The following ANKAR variants were observed in gnomAD, a reference collection of about 807,000 sequenced individuals.
The protein encoded by ANKAR is ankyrin and armadillo repeat containing, also known as ankyrin and armadillo repeat-containing protein.
ANKAR carries 136 observed loss-of-function variants against 146.2 expected under a neutral mutation model. The observed-to-expected ratio is 0.93, with a 90% CI of 0.81 to 1.07. ANKAR has a LOEUF of 1.07. Among genes scored for constraint, ANKAR ranks in the 50% least tolerant of loss-of-function variants. The pLI is 0.00. For missense variants in ANKAR, 1,567 were observed against 1,679.9 expected, an observed-to-expected ratio of 0.93 and a Z score of 1.18; for synonymous variants, 500 against 575.8, an observed-to-expected ratio of 0.87 and a Z score of 1.88.
intron 18 of ANKAR, among the ~76,000 whole-genome samples, chr2:189,757,224 G>C (rs1391660451): frequency 6.6e-6 from 1 of 152,204 alleles, no homozygotes; most frequent in African/African-American, 2.4e-5. Context: ...TGAGAAGGGA[G>C]AGGAAAGTTG....
intron 18 of ANKAR, among the ~76,000 whole-genome samples, chr2:189,758,417 C>A (rs375645532): frequency 6.6e-5 from 10 of 151,992 alleles, no homozygotes; most frequent in African/African-American, 1.2e-4. Context: ...CCTCACCCCC[C>A]CTCTCTCGGT....
chr2:189,745,060 G>A (rs113979087), intron 22 of ANKAR, among the ~76,000 whole-genome samples: 5,296 of 59,522 alleles, frequency 0.089, 330 homozygotes, highest in African/African-American at 0.25. Flanking sequence ...GCATGGTGGC[G>A]CGTGCCTGTA....
At chr2:189,760,263 A>G (rs991040822) in intron 18 of ANKAR, among the ~76,000 whole-genome samples, 4 of 152,158 alleles carry the variant, frequency 2.6e-5, no homozygotes, top group Admixed American at 2.0e-4. Context: ...TTCTCAATGA[A>G]CTGTTGGGTA....
At position 189,690,627 on chromosome 2, in the gene ANKAR, A is replaced by T. The variant is rs529267783; in HGVS notation, c.1039+663A>T. Among the ~76,000 whole-genome samples the T allele has an allele frequency of 8.8e-4, 134 of 152,330 alleles. 1 individual carries two copies. The highest frequency in any genetic ancestry group is 3.1e-3 in the African/African-American group (127 of 41,582). On this transcript the variant is annotated intron_variant, in intron 3 of 22. Coordinates refer to ENST00000684021, the MANE Select transcript of ANKAR (RefSeq NM_001378068.1). ...GCTTATTATAATGGGCTTTCTATTCAGATGGCAAATTTTCAGCAGAAATTT... is the reference window on the plus strand; with the variant it reads ...GCTTATTATAATGGGCTTTCTATTCTGATGGCAAATTTTCAGCAGAAATTT...
chr2:189,712,671 A>G (rs1202151976), intron 10 of ANKAR, among the ~76,000 whole-genome samples: 2 of 152,368 alleles, frequency 1.3e-5, no homozygotes, highest in South Asian at 2.1e-4. Flanking sequence ...GGGAGAAACC[A>G]GAGCAGAAAA....
rs540455693 is a variant in ANKAR at position 189,737,841 on chromosome 2, G to A, written c.3582G>A (p.Gln1194=). Residue 1194 remains glutamine, a splice_region_variant and synonymous_variant, in exon 18 of 23, where the codon CAG becomes CAA. Coordinates refer to ENST00000684021, the MANE Select transcript of ANKAR (RefSeq NM_001378068.1). ...CTGAGAAGGCAATGGCAGCATTTCA[G>A]GTATAAAATTGAGATTAACACCTCA... The part of the protein sequence containing the change: ...VETEKAMAAF[Q]IVVLAKVIRD... 7.8e-6 allele frequency: 12 copies of A among 1,539,290 alleles called. No homozygotes were observed. The highest frequency in any genetic ancestry group is 6.3e-5 in the South Asian group (5 of 79,710).
chr2:189,728,443 T>A (rs201507264), intron 14 of ANKAR, 23 bp downstream of exon 14: 7 of 997,066 alleles, frequency 7.0e-6, no homozygotes, highest in South Asian at 1.5e-5. Context: ...CCTTATTTTA[T>A]TTTTATTTTT....
intron 15 of ANKAR, among the ~76,000 whole-genome samples, chr2:189,729,075 G>A (rs926256287): frequency 6.6e-6 from 1 of 152,150 alleles, no homozygotes; most frequent in Non-Finnish European, 1.5e-5. Context: ...AATAAGCCTT[G>A]ACTATTTTGA....
chr2:189,745,491 T>C (rs1459582286), intron 22 of ANKAR, among the ~76,000 whole-genome samples: 1 of 152,198 alleles, frequency 6.6e-6, no homozygotes, highest in East Asian at 1.9e-4. Context: ...ATACTCTATA[T>C]AGTTTTGTAC....
intron 10 of ANKAR, 146 bp downstream of exon 10, chr2:189,711,299 C>A (rs2039650874): frequency 1.9e-6 from 1 of 537,352 alleles, no homozygotes; most frequent in Non-Finnish European, 3.2e-6. Context: ...CTTCATTTAC[C>A]TGTCAACCAT....
chr2:189,715,145 C>T (rs935874723), intron 10 of ANKAR, among the ~76,000 whole-genome samples: 2 of 151,878 alleles, frequency 1.3e-5, no homozygotes, highest in African/African-American at 4.8e-5. Context: ...TCAATGAATC[C>T]AGGAGCTGGT....
intron 6 of ANKAR, among the ~76,000 whole-genome samples, chr2:189,695,551 T>A (rs1392422606): frequency 6.6e-6 from 1 of 152,222 alleles, no homozygotes; most frequent in Non-Finnish European, 1.5e-5. Flanking sequence ...GAGCCAGGCT[T>A]CAGTCCTGGG....
chr2:189,721,855 GA>G (rs1309342042), intron 12 of ANKAR, among the ~76,000 whole-genome samples: 4 of 152,276 alleles, frequency 2.6e-5, no homozygotes, highest in Admixed American at 1.3e-4. Flanking sequence ...TGTAAGTCAA[GA>G]TTAAGAATAA....
At chr2:189,692,962 A>G (rs1021438076) in intron 4 of ANKAR, 112 bp from the exon 5 acceptor site, 1 of 539,980 alleles carries the variant, frequency 1.9e-6, no homozygotes, top group Non-Finnish European at 3.2e-6. Flanking sequence ...GTCTTCTGGA[A>G]TAGTAAATTT....
At position 189,696,340 on chromosome 2, in the gene ANKAR, A is replaced by T; in HGVS notation, c.1679A>T (p.Asn560Ile). ...CQLCNANFKV[N>I]QRRFVTFSQG... ...CTGTGCAATGCTAACTTCAAGGTCAACCAGAGGCGCTTTGTTACGTTCAGC... is the reference window on the plus strand; with the variant it reads ...CTGTGCAATGCTAACTTCAAGGTCATCCAGAGGCGCTTTGTTACGTTCAGC... Residue 560 changes from asparagine (N) to isoleucine (I), a missense_variant, in exon 7 of 23, where the codon AAC becomes ATC. Physicochemically the swap from Asn to Ile is moderately radical, Grantham distance 149 (BLOSUM62 -3). Coordinates refer to ENST00000684021, the MANE Select transcript of ANKAR (RefSeq NM_001378068.1). 6 of 1,613,870 alleles carry T rather than the reference A, an allele frequency of 3.7e-6. No individual in the cohort carries two copies. The highest frequency in any genetic ancestry group is 5.1e-6 in the Non-Finnish European group (6 of 1,179,948).
intron 10 of ANKAR, among the ~76,000 whole-genome samples, chr2:189,717,576 C>T (rs1446332810): frequency 1.3e-5 from 2 of 152,298 alleles, no homozygotes; most frequent in East Asian, 3.9e-4. Context: ...ACCCAGCAAT[C>T]CCATTACTGG....
chr2:189,762,887 C>G, downstream of ANKAR: 2 of 985,426 alleles, frequency 2.0e-6, no homozygotes, highest in South Asian at 9.4e-5. Context: ...GCCGTCTTTG[C>G]CCAAAACGCT....
chr2:189,702,559 C>T (rs186582357), intron 7 of ANKAR, among the ~76,000 whole-genome samples: 1 of 152,310 alleles, frequency 6.6e-6, no homozygotes, highest in East Asian at 1.9e-4. Context: ...CCCATTACCT[C>T]ACTTCTCTGA....
chr2:189,750,711 G>T (rs2045039205), downstream of ANKAR: 2 of 1,296,908 alleles, frequency 1.5e-6, no homozygotes, highest in Admixed American at 5.3e-5. Flanking sequence ...TCCATCACTA[G>T]TTCTGCAGAC....
Sources: gnomAD v4.1 joint callset for allele counts (sites outside exome capture counted in the v4.1 genomes callset) on GRCh38, gnomAD v4.1.1 for gene constraint, MANE v1.5 for transcripts, NCBI Gene and HGNC (gene_info 2026-07-23, HGNC 2026-07-21) for gene names.